TAMM41: variants seen among roughly 807,000 people sequenced by gnomAD.
TAMM41 encodes the protein TAM41 mitochondrial translocator assembly and maintenance homolog.
A neutral mutation model predicts 44.1 loss-of-function variants in TAMM41; 36 were observed. That is an observed-to-expected ratio of 0.82 (90% CI 0.63 to 1.08). The LOEUF (loss-of-function observed/expected upper bound fraction) is 1.08, where lower values mean the gene tolerates loss of function less well. TAMM41 is among the 50% of genes least tolerant of loss of function. The probability of loss-of-function intolerance (pLI) is 0.00; values close to 1 mark genes in which losing one functional copy is unlikely to be tolerated. For synonymous variants in TAMM41, 164 were observed against 153.1 expected (o/e 1.07, Z -0.53); for missense variants, 417 against 404.3 (o/e 1.03, Z -0.27).
At chr3:11,753,937 C>T in the TAMM41 span, among the ~76,000 whole-genome samples, 3 of 152,066 alleles carry the variant, frequency 2.0e-5, no homozygotes, top group Admixed American at 6.6e-5. Context: ...CTTCAGGATG[C>T]AGCAAGGAGA....
the TAMM41 span, among the ~76,000 whole-genome samples, chr3:11,738,889 G>A: frequency 6.6e-6 from 1 of 152,206 alleles, no homozygotes; most frequent in Admixed American, 6.5e-5. Flanking sequence ...GCAGGCTGAA[G>A]TTTGAGAATT....
At chr3:11,738,213 T>A in the TAMM41 span, among the ~76,000 whole-genome samples, 1 of 152,138 alleles carries the variant, frequency 6.6e-6, no homozygotes. Context: ...AAACTCCAGT[T>A]TCAGAAATCA....
chr3:11,845,428 A>G (rs2079639158), intron 1 of TAMM41, among the ~76,000 whole-genome samples: 1 of 152,186 alleles, frequency 6.6e-6, no homozygotes, highest in African/African-American at 2.4e-5. Context: ...CCTCCATGGA[A>G]GAATGAAGAG....
chr3:11,784,503 A>G, the TAMM41 span, among the ~76,000 whole-genome samples: 1 of 152,164 alleles, frequency 6.6e-6, no homozygotes, highest in Non-Finnish European at 1.5e-5. Flanking sequence ...TCAAAAAACA[A>G]AAGAAACCAA....
the TAMM41 span, among the ~76,000 whole-genome samples, chr3:11,769,587 G>A: frequency 1.1e-4 from 16 of 152,238 alleles, no homozygotes; most frequent in South Asian, 2.1e-4. Context: ...GAAAGAACCC[G>A]GCTGTGTTCT....
chr3:11,786,400 G>A (rs2077418486), downstream of TAMM41, among the ~76,000 whole-genome samples: 2 of 151,598 alleles, frequency 1.3e-5, no homozygotes, highest in South Asian at 4.2e-4. Context: ...CACCTCCCAG[G>A]TTCAAGCAAT....
the TAMM41 span, among the ~76,000 whole-genome samples, chr3:11,766,473 A>G: frequency 6.6e-6 from 1 of 152,010 alleles, no homozygotes; most frequent in African/African-American, 2.4e-5. Flanking sequence ...TAGCTGGGAA[A>G]TTCTTATTTT....
At chr3:11,724,437 A>G in the TAMM41 span, among the ~76,000 whole-genome samples, 1 of 144,546 alleles carries the variant, frequency 6.9e-6, no homozygotes, top group Non-Finnish European at 1.5e-5. Flanking sequence ...TTATTTTGAG[A>G]CAGAGTCTCG....
At chr3:11,790,430 T>G (rs1047412076), downstream of TAMM41, 3 of 1,372,878 alleles carry the variant, frequency 2.2e-6, no homozygotes, top group East Asian at 2.3e-5. Context: ...TGGGTCAAAG[T>G]AACAAACACT....
chr3:11,770,814 C>T, the TAMM41 span, among the ~76,000 whole-genome samples: 2 of 152,168 alleles, frequency 1.3e-5, no homozygotes, highest in Non-Finnish European at 1.5e-5. Flanking sequence ...ACAGAGTCTT[C>T]AAGATAGTGA....
the TAMM41 span, among the ~76,000 whole-genome samples, chr3:11,768,855 T>C: frequency 6.6e-6 from 1 of 152,082 alleles, no homozygotes; most frequent in Admixed American, 6.5e-5. Context: ...AGGAGCACAG[T>C]GGAGGGAGCA....
At chr3:11,833,710 C>T (rs974870013) in intron 3 of TAMM41, among the ~76,000 whole-genome samples, 24 of 152,250 alleles carry the variant, frequency 1.6e-4, no homozygotes, top group African/African-American at 5.1e-4. Flanking sequence ...GCATTTCAAA[C>T]GCTAGCGGCC....
the TAMM41 span, among the ~76,000 whole-genome samples, chr3:11,757,011 C>G: frequency 1.3e-5 from 2 of 152,102 alleles, no homozygotes; most frequent in Non-Finnish European, 2.9e-5. Context: ...TACATATGGA[C>G]TGGGAACTAT....
chr3:11,813,826 A>G (rs2078168357), intron 5 of TAMM41, among the ~76,000 whole-genome samples: 1 of 114,012 alleles, frequency 8.8e-6, no homozygotes, highest in Non-Finnish European at 1.8e-5. Flanking sequence ...GGGTACAAAT[A>G]TATGTGTGTG....
chr3:11,753,736 CAA>C, the TAMM41 span, among the ~76,000 whole-genome samples: 1 of 142,570 alleles, frequency 7.0e-6, no homozygotes, highest in Non-Finnish European at 1.5e-5. Context: ...GACTCCGTCT[CAA>C]AAAAAAAAAT....
chr3:11,792,082 T>A (rs2077493709), intron 7 of TAMM41, among the ~76,000 whole-genome samples: 1 of 152,186 alleles, frequency 6.6e-6, no homozygotes, highest in Non-Finnish European at 1.5e-5. Context: ...GCATGGGCCA[T>A]GATAATTCCC....
chr3:11,724,973 C>T, the TAMM41 span: 1 of 152,410 alleles, frequency 6.6e-6, no homozygotes, highest in East Asian at 1.9e-4. Context: ...AGCTTTTGCC[C>T]CCATAGGTAA....
chr3:11,828,699 A>C (rs1033156098), intron 4 of TAMM41, among the ~76,000 whole-genome samples: 2 of 152,218 alleles, frequency 1.3e-5, no homozygotes, highest in Non-Finnish European at 2.9e-5. Context: ...CCAGAGACCA[A>C]GGTTGCTTCA....
At chr3:11,762,440 T>C in the TAMM41 span, among the ~76,000 whole-genome samples, 1 of 152,090 alleles carries the variant, frequency 6.6e-6, no homozygotes, top group South Asian at 2.1e-4. Flanking sequence ...CAAGTCCTCT[T>C]ACCTAGTATG....
Sources: allele counts gnomAD v4.1 joint callset (sites outside exome capture counted in the v4.1 genomes callset), GRCh38; gene constraint gnomAD v4.1.1; transcripts MANE v1.5; gene names NCBI Gene and HGNC (gene_info 2026-07-23, HGNC 2026-07-21).